The following PPP1R13B variants were observed in gnomAD, a reference collection of about 807,000 sequenced individuals.
PPP1R13B encodes protein phosphatase 1 regulatory subunit 13B.
A neutral mutation model predicts 119.8 loss-of-function variants in PPP1R13B; 44 were observed. The ratio of observed to expected loss-of-function variants is 0.37; its 90% confidence interval spans 0.29 to 0.47. The LOEUF is 0.47. PPP1R13B is among the 20% of genes least tolerant of loss of function. The probability of loss-of-function intolerance (pLI) is 0.99; values close to 1 mark genes in which losing one functional copy is unlikely to be tolerated. For missense variants in PPP1R13B, 1,227 were observed against 1,413.5 expected (o/e 0.87, Z 2.12); for synonymous variants, 542 against 561.5 (o/e 0.97, Z 0.49).
At chr14:103,761,678 G>A (rs1281868833) in intron 4 of PPP1R13B, among the ~76,000 whole-genome samples, 2 of 151,282 alleles carry the variant, frequency 1.3e-5, no homozygotes, top group Admixed American at 1.3e-4. Context: ...CAGGATAATC[G>A]CTTGAACCCA....
At chr14:103,790,260 A>AG (rs71126068) in intron 2 of PPP1R13B, among the ~76,000 whole-genome samples, 1 of 151,180 alleles carries the variant, frequency 6.6e-6, no homozygotes, top group Non-Finnish European at 1.5e-5. Flanking sequence ...AAAAAAAAAA[A>AG]GAAATGAAAA....
At chr14:103,766,965 T>C (rs759553602) in intron 4 of PPP1R13B, among the ~76,000 whole-genome samples, 1 of 152,198 alleles carries the variant, frequency 6.6e-6, no homozygotes, top group Non-Finnish European at 1.5e-5. Flanking sequence ...TAAAACAATT[T>C]TAAAACTAAG....
chr14:103,754,215 C>G lies in PPP1R13B; in HGVS notation c.486G>C (p.Gln162His). The G allele has an allele frequency of 6.2e-7, 1 of 1,612,886 alleles. No individual in the cohort carries two copies. The highest frequency in any genetic ancestry group is 1.3e-5 in the African/African-American group (1 of 74,810). The change falls in exon 6 of 17, where the codon CAG becomes CAC. Residue 162 changes from glutamine (Q) to histidine (H), a missense_variant. Transcript: ENST00000202556. ...KEQRLHFLKQQERRQQQSISE... is the reference protein window; with the variant it reads ...KEQRLHFLKQHERRQQQSISE... Reference sequence around the variant, plus strand: ...AAATAGACTGCTGCTGACGGCGCTCCTGTTGCTTTAGAAAATGTAAACGCT... The same window carrying G: ...AAATAGACTGCTGCTGACGGCGCTCGTGTTGCTTTAGAAAATGTAAACGCT...
Position 103,754,128 on chromosome 14 carries a change from C to A in PPP1R13B, c.573G>T (p.Lys191Asn). 1 of 1,614,048 alleles carries A rather than the reference C, an allele frequency of 6.2e-7. No homozygotes were observed. The highest frequency in any genetic ancestry group is 8.5e-7 in the Non-Finnish European group (1 of 1,180,032). Residue 191 changes from lysine (K) to asparagine (N), a missense_variant, in exon 6 of 17, where the codon AAG becomes AAT. Lys to Asn is a moderately conservative substitution (Grantham distance 94). Coordinates refer to ENST00000202556, the MANE Select transcript of PPP1R13B (RefSeq NM_015316.3). Reference protein sequence around the residue: ...ERVEAQENKLKKIRAMRGQVD... With the variant: ...ERVEAQENKLNKIRAMRGQVD... The stretch of plus-strand genomic sequence containing the variant: ...CTTGTCCTCTCATTGCACGAATTTT[C>A]TTCAGCTTGTTCTCCTGGGCTTCAA...
chr14:103,789,208 T>C (rs1457450955), intron 2 of PPP1R13B, among the ~76,000 whole-genome samples: 1 of 151,996 alleles, frequency 6.6e-6, no homozygotes, highest in Non-Finnish European at 1.5e-5. Context: ...TGAACTGTAC[T>C]GTGTATTTTT....
chr14:103,786,591 C>A (rs958242631), intron 2 of PPP1R13B, among the ~76,000 whole-genome samples: 2 of 151,546 alleles, frequency 1.3e-5, no homozygotes, highest in Admixed American at 1.3e-4. Context: ...TTGGTGAAAC[C>A]CTGTCTCTAC....
At chr14:103,796,894 T>C (rs962501423) in intron 2 of PPP1R13B, among the ~76,000 whole-genome samples, 3 of 151,938 alleles carry the variant, frequency 2.0e-5, no homozygotes, top group South Asian at 2.1e-4. Context: ...GAGGCGGAGG[T>C]TGCAGTGAAC....
intron 1 of PPP1R13B, among the ~76,000 whole-genome samples, chr14:103,799,062 C>T (rs2085831281): frequency 2.0e-5 from 3 of 152,082 alleles, no homozygotes; most frequent in South Asian, 2.1e-4. Context: ...TGCAATGTCG[C>T]GATCTTGGTT....
intron 5 of PPP1R13B, among the ~76,000 whole-genome samples, chr14:103,754,577 A>AG (rs2084630103): frequency 6.6e-6 from 1 of 151,286 alleles, no homozygotes; most frequent in African/African-American, 2.4e-5. Flanking sequence ...AAAAAAAAAA[A>AG]AAAAAAAAAT....
rs1486634320 is a variant in PPP1R13B at position 103,738,340 on chromosome 14, G to A, written c.2864+339C>T. 1.2e-5 allele frequency: 4 copies of A among 336,178 alleles called. No individual in the cohort carries two copies. Among genetic ancestry groups the A allele is most frequent in the Non-Finnish European group, 2.2e-5 (4 of 180,864 alleles). The allele number at this position is 336,178 out of a possible 1,614,324, so 20.8% of individuals were successfully genotyped here. ...TACATGCCTGACCCAGGGGGATGCT[G>A]AGGCTGCTTTTCACACGGAGCACAG... is the stretch of plus-strand genomic sequence containing the variant. On this transcript the variant is annotated intron_variant, in intron 14 of 16. Coordinates refer to ENST00000202556, the MANE Select transcript of PPP1R13B (RefSeq NM_015316.3). This position sits in a 1 kb window ranked among gnomAD's most constrained non-coding sequence, Gnocchi z 5.6.
chr14:103,749,490 G>A lies in PPP1R13B; in HGVS notation c.969+304C>T, dbSNP rs369050871. On this transcript the variant is annotated intron_variant, in intron 8 of 16. Coordinates refer to ENST00000202556, the MANE Select transcript of PPP1R13B (RefSeq NM_015316.3). ...AAATGGCAGAGTGCGGACCGTGACAGATGCTGTGACTCCAGAGCCAACAGC... is the reference window on the plus strand; with the variant it reads ...AAATGGCAGAGTGCGGACCGTGACAAATGCTGTGACTCCAGAGCCAACAGC... 3.3e-5 allele frequency among the ~76,000 whole-genome samples: 5 copies of A among 152,320 alleles called. No individual in the cohort carries two copies. In the South Asian group the frequency reaches 1.0e-3, roughly 32 times the overall value.
At chr14:103,788,690 C>CAAAAAAAAAAA (rs750570947) in intron 2 of PPP1R13B, among the ~76,000 whole-genome samples, 1 of 112,114 alleles carries the variant, frequency 8.9e-6, no homozygotes, top group Non-Finnish European at 1.9e-5. Context: ...ACAATCAAAG[C>CAAAAAAAAAAA]AAAAAAAAAA....
Position 103,742,736 on chromosome 14 carries a change from G to T in PPP1R13B, c.1238C>A (p.Pro413Gln). 1 of 1,614,116 alleles carries T rather than the reference G, an allele frequency of 6.2e-7. No individual in the cohort carries two copies. The highest frequency in any genetic ancestry group is 1.1e-5 in the South Asian group (1 of 91,082). ...CTGCTTGACAGACCCCTCCACGCTCGGATCCTTCCAGTCTGCACCGGCCAC... is the reference window on the plus strand; with the variant it reads ...CTGCTTGACAGACCCCTCCACGCTCTGATCCTTCCAGTCTGCACCGGCCAC... ...VQVAGADWKD[P>Q]SVEGSVKQGT... Residue 413 changes from proline to glutamine, a missense_variant, in exon 10 of 17, where the codon CCG becomes CAG. Transcript: ENST00000202556. This position sits in a 1 kb window ranked among gnomAD's most constrained non-coding sequence, Gnocchi z 4.9.
At chr14:103,835,740 C>T (rs1359107872) in intron 1 of PPP1R13B, among the ~76,000 whole-genome samples, 1 of 151,774 alleles carries the variant, frequency 6.6e-6, no homozygotes, top group African/African-American at 2.4e-5. Flanking sequence ...TCCCAAGTAG[C>T]TGGGATTACA....
chr14:103,796,641 A>G (rs757328341), intron 2 of PPP1R13B, among the ~76,000 whole-genome samples: 4 of 152,182 alleles, frequency 2.6e-5, no homozygotes, highest in Non-Finnish European at 5.9e-5. Context: ...ACTAAGAGAT[A>G]TGAAAATATA....
At chr14:103,813,743 C>G (rs1051745743) in intron 1 of PPP1R13B, among the ~76,000 whole-genome samples, 1 of 152,102 alleles carries the variant, frequency 6.6e-6, no homozygotes, top group African/African-American at 2.4e-5. Flanking sequence ...CATTTTGACA[C>G]GTATAGATAC....
Position 103,754,137 on chromosome 14 carries a change from G to C in PPP1R13B, c.564C>G (p.Asn188Lys). ...TCATTGCACGAATTTTCTTCAGCTT[G>C]TTCTCCTGGGCTTCAACTCGTTCTT... The part of the protein sequence containing the change: ...KLKERVEAQE[N>K]KLKKIRAMRG... Residue 188 changes from asparagine to lysine, a missense_variant, in exon 6 of 17, where the codon AAC (asparagine) becomes AAG (lysine). Coordinates refer to ENST00000202556, the MANE Select transcript of PPP1R13B (RefSeq NM_015316.3). 5 of 1,614,012 alleles carry C rather than the reference G, an allele frequency of 3.1e-6. No individual in the cohort carries two copies. Among genetic ancestry groups the C allele is most frequent in the Non-Finnish European group, 3.4e-6 (4 of 1,180,008 alleles).
intron 1 of PPP1R13B, among the ~76,000 whole-genome samples, chr14:103,824,714 C>T (rs1398879114): frequency 1.3e-5 from 2 of 150,332 alleles, no homozygotes; most frequent in African/African-American, 4.9e-5. Context: ...AAAAAGGAGA[C>T]AGCAAATGAG....
In PPP1R13B at chr14:103,800,301, G is replaced by A. The variant is rs1242951311; in HGVS notation, c.10-2783C>T. Among the ~76,000 whole-genome samples the A allele has an allele frequency of 2.6e-5, 4 of 151,706 alleles. No individual in the cohort carries two copies. In the East Asian group the frequency reaches 7.8e-4, roughly 30 times the overall value. On this transcript the variant is annotated intron_variant, in intron 1 of 16. Coordinates refer to ENST00000202556, the MANE Select transcript of PPP1R13B (RefSeq NM_015316.3). The stretch of plus-strand genomic sequence containing the variant: ...CCACTGCACTCTAGCCTGGGCAACA[G>A]AGCCAGACCTTAAAATCTCTGCATT...
Sources: gnomAD v4.1 joint callset for allele counts (sites outside exome capture counted in the v4.1 genomes callset) on GRCh38, gnomAD v4.1.1 for gene constraint, Gnocchi (gnomAD v3.1) non-coding constraint, MANE v1.5 for transcripts, NCBI Gene and HGNC (gene_info 2026-07-23, HGNC 2026-07-21) for gene names.